Variants in HCFC1 observed in about 807,000 individuals in gnomAD.
HCFC1 encodes host cell factor C1.
A neutral mutation model predicts 105.5 loss-of-function variants in HCFC1; 7 were observed. The observed-to-expected ratio is 0.07, with a 90% CI of 0.04 to 0.12. The LOEUF is 0.12. Among genes scored for constraint, HCFC1 ranks in the 10% least tolerant of loss-of-function variants. The probability of loss-of-function intolerance (pLI) is 1.00; values close to 1 mark genes in which losing one functional copy is unlikely to be tolerated. For missense variants in HCFC1, 1,065 were observed against 1,823.6 expected, an observed-to-expected ratio of 0.58 and a Z score of 7.58; for synonymous variants, 918 against 828.1, an observed-to-expected ratio of 1.11 and a Z score of -1.86.
Position 153,951,695 on chromosome X carries a change from G to A in HCFC1, c.5273C>T (p.Ser1758Phe). The change falls in exon 21 of 26, where the codon TCC becomes TTC. Residue 1758 changes from serine (S) to phenylalanine (F), a missense_variant. Physicochemically the swap from Ser to Phe is radical, Grantham distance 155 (BLOSUM62 -2). Transcript: ENST00000310441. ...CGGCTGGGGGGCCACAAATGTGTTG[G>A]ATGGAGCCAGGCCTAGGAAGAAAGA... Reference protein sequence around the residue: ...PSTATESLAPSNTFVAPQPVV... With the variant: ...PSTATESLAPFNTFVAPQPVV... 8.3e-7 allele frequency: 1 copy of A among 1,208,461 alleles called. No homozygotes were observed.
Position 153,953,790 on chromosome X carries a change from G to T in HCFC1, c.4334-20C>A, listed in dbSNP as rs2065340207. 2.5e-6 allele frequency: 3 copies of T among 1,186,852 alleles called. No individual in the cohort carries two copies. The African/African-American group carries it at 5.3e-5, about 21-fold the overall frequency. On this transcript the variant is annotated intron_variant, in intron 17 of 25. Coordinates refer to ENST00000310441, the MANE Select transcript of HCFC1 (RefSeq NM_005334.3). ...GGGGGTCTGTGGGGGCGACAGGCAGGCGGCTGCTCAGCAGGAGCCCCCCCG... is the reference window on the plus strand; with the variant it reads ...GGGGGTCTGTGGGGGCGACAGGCAGTCGGCTGCTCAGCAGGAGCCCCCCCG...
intron 13 of HCFC1, 40 bp from the exon 14 acceptor site, chrX:153,957,100 G>A: frequency 8.4e-7 from 1 of 1,186,036 alleles, no homozygotes; most frequent in Non-Finnish European, 1.1e-6. Context: ...CAGGCTCTGT[G>A]AGGGCTGCCC....
At chrX:153,953,472 G>A (rs782602704) in intron 18 of HCFC1, 135 bp downstream of exon 18, 297 of 603,249 alleles carry the variant, frequency 4.9e-4, no homozygotes, top group Non-Finnish European at 6.4e-4. Flanking sequence ...CACCGAGGCT[G>A]CCCTTTTATG....
intron 24 of HCFC1, 88 bp from the exon 25 acceptor site, chrX:153,949,704 T>G (rs2065291846): frequency 1.2e-6 from 1 of 843,816 alleles, no homozygotes; most frequent in Non-Finnish European, 1.8e-6. Flanking sequence ...CAGAGTCTCT[T>G]GGTGCCACAT....
chrX:153,953,612 C>T lies in HCFC1; in HGVS notation c.4492G>A (p.Val1498Met). The change falls in exon 18 of 26, where the codon GTG becomes ATG. Residue 1498 changes from valine (V) to methionine (M), a missense_variant. Transcript: ENST00000310441. ...ACGGCCCCCTGGGCTCTTACCGGCACAGAGGGGCCCGGGACCGGTGTGGAC... is the reference window on the plus strand; with the variant it reads ...ACGGCCCCCTGGGCTCTTACCGGCATAGAGGGGCCCGGGACCGGTGTGGAC... ...TQSTPVPGPS[V>M]PPPEELQVSP... is the part of the protein sequence containing the mutation. The T allele has an allele frequency of 8.3e-7, 1 of 1,208,595 alleles. No homozygotes were observed. Among genetic ancestry groups the T allele is most frequent in the Non-Finnish European group, 1.1e-6 (1 of 894,783 alleles).
intron 1 of HCFC1, 47 bp from the exon 2 acceptor site, chrX:153,964,773 T>C (rs1349751784): frequency 1.8e-6 from 2 of 1,094,055 alleles, no homozygotes; most frequent in Non-Finnish European, 2.4e-6. Flanking sequence ...GGAGCCCCCA[T>C]TCCTCTCATT....
chrX:153,961,688 T>C (rs781946166), intron 5 of HCFC1, 40 bp from the exon 6 acceptor site: 1 of 1,033,251 alleles, frequency 9.7e-7, no homozygotes, highest in South Asian at 2.0e-5. Flanking sequence ...GATTGTAGAG[T>C]TGGTGCCAAG....
At chrX:153,969,539 G>A (rs1407564158) in intron 1 of HCFC1, among the ~76,000 whole-genome samples, 3 of 112,885 alleles carry the variant, frequency 2.7e-5, no homozygotes, top group Admixed American at 1.9e-4. Flanking sequence ...GTGGGCCAAC[G>A]GGCAGTCAGT....
chrX:153,958,903 A>C, intron 9 of HCFC1, 137 bp from the exon 10 acceptor site: 1 of 460,979 alleles, frequency 2.2e-6, no homozygotes, highest in East Asian at 4.2e-5. Flanking sequence ...AGCTTTCTCT[A>C]CTGCCAGACC....
At position 153,964,113 on chromosome X, in the gene HCFC1, C is replaced by A. The variant is rs192349221; in HGVS notation, c.503+11G>T. 1.7e-6 allele frequency: 2 copies of A among 1,190,909 alleles called. No individual in the cohort carries two copies. Among genetic ancestry groups the A allele is most frequent in the Non-Finnish European group, 2.3e-6 (2 of 882,312 alleles). On this transcript the variant is annotated intron_variant, in intron 3 of 25. Transcript: ENST00000310441. ...ACCCGGGGGGTTCCAGAGAAAAGGA[C>A]CAAGCCTCACCTTGGAATGTTGTTC...
At chrX:153,953,984 C>T (rs911611322) in intron 17 of HCFC1, 82 bp downstream of exon 17, 22 of 1,073,466 alleles carry the variant, frequency 2.0e-5, no homozygotes, top group Admixed American at 5.0e-5. Context: ...GGACTCTGGA[C>T]GGACCCCCGC....
At position 153,957,034 on chromosome X, in the gene HCFC1, A is replaced by G; in HGVS notation, c.2380T>C (p.Ser794Pro). Residue 794 changes from serine (S) to proline (P), a missense_variant, in exon 14 of 26, where the codon TCC becomes CCC. Ser to Pro is a moderately conservative substitution (Grantham distance 74, BLOSUM62 -1). Coordinates refer to ENST00000310441, the MANE Select transcript of HCFC1 (RefSeq NM_005334.3). ...TGVTSSPGIK[S>P]PITIITTKVM... ...TTGGTGGTGATGATGGTGATGGGGG[A>G]CTTGATGCCAGGACTGCTGGTCACA... is the stretch of plus-strand genomic sequence containing the variant. The G allele has an allele frequency of 8.3e-7, 1 of 1,209,030 alleles. No homozygotes were observed. Among genetic ancestry groups the G allele is most frequent in the South Asian group, 1.8e-5 (1 of 56,861 alleles).
rs191461798 is a variant in HCFC1, at chrX:153,971,623, C to T, written c.-783G>A. 223 of 293,830 alleles carry T rather than the reference C, an allele frequency of 7.6e-4. No individual in the cohort carries two copies. In the East Asian group the frequency reaches 9.4e-3, roughly 12 times the overall value. 24.2% of individuals were successfully genotyped at this position (293,830 alleles called of 1,213,427 possible). ...CTAGCTCCCCGTTCCCCCCTATTCT[C>T]TTCCTCCTAGGTCAGTTCTTCCACT... On this transcript the variant is annotated 5_prime_UTR_variant, in exon 1 of 26. Transcript: ENST00000310441.
intron 1 of HCFC1, among the ~76,000 whole-genome samples, chrX:153,967,114 A>C (rs924232183): frequency 9.0e-6 from 1 of 111,700 alleles, no homozygotes; most frequent in Non-Finnish European, 1.9e-5. Flanking sequence ...CATCTCACCC[A>C]CGAGTCCTGG....
rs1457763396 is a variant in HCFC1, at chrX:153,948,485, AAAAAC to A, written c.*857_*861del. The A allele has an allele frequency of 1.8e-5, 2 of 111,624 alleles. No homozygotes were observed. Among genetic ancestry groups the A allele is most frequent in the African/African-American group, 6.6e-5 (2 of 30,456 alleles). 9.2% of individuals were successfully genotyped at this position (111,624 alleles called of 1,213,427 possible). A position where few individuals can be genotyped will look rare whatever the true frequency, so the allele number is the denominator to read the frequency against. Reference sequence around the variant, plus strand: ...GAATTAGCCAAGAAGAAAAAAGTAAAAAAACAAAAACAAAACAAAACAAAACAAAA... The same window carrying A: ...GAATTAGCCAAGAAGAAAAAAGTAAAAAAAACAAAACAAAACAAAACAAAA... On this transcript the variant is annotated 3_prime_UTR_variant, in exon 26 of 26. Coordinates refer to ENST00000310441, the MANE Select transcript of HCFC1 (RefSeq NM_005334.3).
rs200527887 is a variant in HCFC1 at position 153,950,233 on chromosome X, G to A, written c.6004+10C>T. 8.6e-7 allele frequency: 1 copy of A among 1,157,246 alleles called. No homozygotes were observed. Among genetic ancestry groups the A allele is most frequent in the Non-Finnish European group, 1.2e-6 (1 of 866,339 alleles). Reference sequence around the variant, plus strand: ...CCCTGTGCCTGAAGAGCTCCACGAAGGACACTCACCCTGCAGCCACCTCAC... The same window carrying A: ...CCCTGTGCCTGAAGAGCTCCACGAAAGACACTCACCCTGCAGCCACCTCAC... On this transcript the variant is annotated intron_variant, in intron 24 of 25. Transcript: ENST00000310441.
At chrX:153,966,234 A>AC (rs370828483) in intron 1 of HCFC1, among the ~76,000 whole-genome samples, 2 of 111,590 alleles carry the variant, frequency 1.8e-5, no homozygotes, top group African/African-American at 6.5e-5. Flanking sequence ...AACAAAAAAA[A>AC]CAGAAAACCC....
intron 3 of HCFC1, 130 bp from the exon 4 acceptor site, chrX:153,963,563 CTACCCTAGCTCTTGAGGA>C (rs1212237202): frequency 6.3e-6 from 3 of 475,354 alleles, no homozygotes; most frequent in Non-Finnish European, 1.1e-5. Flanking sequence ...TGAAGTTCTT[CTACCCTAGCTCTTGAGGA>C]AGGGGCTGCC....
Position 153,955,080 on chromosome X carries a change from G to C in HCFC1, c.3319C>G (p.Pro1107Ala). 3 of 1,211,391 alleles carry C rather than the reference G, an allele frequency of 2.5e-6. No individual in the cohort carries two copies. Among genetic ancestry groups the C allele is most frequent in the Non-Finnish European group, 3.4e-6 (3 of 895,183 alleles). The change falls in exon 17 of 26, where the codon CCA (proline) becomes GCA (alanine). Residue 1107 changes from proline (P) to alanine (A), a missense_variant. By Grantham distance (27) the Pro-to-Ala change is conservative (BLOSUM62 -1). Transcript: ENST00000310441. ...NMAGQHGCSN[P>A]PCETHETGTT... ...CCCGTCTCGTGGGTCTCGCAGGGTG[G>C]GTTTGAGCAGCCATGCTGCCCGGCC...
Sources: gnomAD v4.1 joint callset for allele counts (sites outside exome capture counted in the v4.1 genomes callset) on GRCh38, gnomAD v4.1.1 for gene constraint, MANE v1.5 for transcripts, NCBI Gene and HGNC (gene_info 2026-07-23, HGNC 2026-07-21) for gene names.